MCCC2: variants seen among roughly 807,000 people sequenced by gnomAD.
MCCC2 encodes the protein methylcrotonyl-CoA carboxylase subunit 2.
In MCCC2, 52 loss-of-function variants were observed where a neutral mutation model predicts 77.2. The ratio of observed to expected loss-of-function variants is 0.67; its 90% CI spans 0.54 to 0.85. MCCC2 has a LOEUF of 0.85. MCCC2 is among the 40% of genes least tolerant of loss of function. The probability of loss-of-function intolerance (pLI) is 0.00; values close to 1 mark genes in which losing one functional copy is unlikely to be tolerated. For synonymous variants in MCCC2, 253 were observed against 248.4 expected (o/e 1.02, Z -0.18); for missense variants, 682 against 703.2 (o/e 0.97, Z 0.34).
chr5:71,592,791 A>G (rs1462505380), intron 1 of MCCC2, 135 bp from the exon 2 acceptor site: 5 of 716,990 alleles, frequency 7.0e-6, no homozygotes, highest in African/African-American at 1.8e-5. Context: ...GCTGCCACAG[A>G]TGGGGTGGCC....
chr5:71,636,212 T>A (rs1009328401), intron 10 of MCCC2: 1 of 291,554 alleles, frequency 3.4e-6, no homozygotes, highest in Non-Finnish European at 7.2e-6. Context: ...ATGGATATAA[T>A]GTTCTGTTGT....
At chr5:71,601,478 C>T (rs1745429124) in intron 4 of MCCC2, among the ~76,000 whole-genome samples, 1 of 152,188 alleles carries the variant, frequency 6.6e-6, no homozygotes, top group Admixed American at 6.5e-5. Context: ...GCATTCTACT[C>T]TATAAAATGT....
chr5:71,614,670 G>T (rs1746099423), intron 6 of MCCC2, among the ~76,000 whole-genome samples: 1 of 151,972 alleles, frequency 6.6e-6, no homozygotes, highest in African/African-American at 2.4e-5. Context: ...TTTTAGTAGA[G>T]ACGGGGTTTT....
rs972004528 is a variant in MCCC2, at chr5:71,611,251, A to G, written c.624+6783A>G. On this transcript the variant is annotated intron_variant, in intron 6 of 16. Transcript: ENST00000340941. ...CCCTGTCTCTACAAAAAAATAAAAA[A>G]TTAGCCGAGTGTGGTGTGGCACATG... Among the ~76,000 whole-genome samples, 53 of 152,204 alleles carry G rather than the reference A, an allele frequency of 3.5e-4. 1 individual carries two copies. The highest frequency in any genetic ancestry group is 1.2e-3 in the African/African-American group (50 of 41,528).
chr5:71,650,046 T>C, intron 14 of MCCC2, 23 bp from the exon 15 acceptor site: 1 of 1,581,974 alleles, frequency 6.3e-7, no homozygotes, highest in Non-Finnish European at 8.7e-7. Context: ...TTAATTTGTT[T>C]ATTCTTCCTT....
At position 71,657,175 on chromosome 5, in the gene MCCC2, A is replaced by G. The variant is rs1747604063; in HGVS notation, c.*315A>G. ...CTGTAAACTCAGTTCTGTAATCTGTATTATTGAGATGATTAATATAAAGTT... is the reference window on the plus strand; with the variant it reads ...CTGTAAACTCAGTTCTGTAATCTGTGTTATTGAGATGATTAATATAAAGTT... On this transcript the variant is annotated 3_prime_UTR_variant, in exon 17 of 17. Transcript: ENST00000340941. The G allele has an allele frequency of 3.3e-6, 1 of 306,114 alleles. No individual in the cohort carries two copies. Among genetic ancestry groups the G allele is most frequent in the Non-Finnish European group, 6.3e-6 (1 of 159,112 alleles). 19.0% of individuals were successfully genotyped at this position (306,114 alleles called of 1,614,324 possible). A position where few individuals can be genotyped will look rare whatever the true frequency, so the allele number is the denominator to read the frequency against.
chr5:71,619,729 G>A (rs1255029225), intron 6 of MCCC2, among the ~76,000 whole-genome samples: 1 of 151,960 alleles, frequency 6.6e-6, no homozygotes, highest in Non-Finnish European at 1.5e-5. Context: ...AAGCAGGCAC[G>A]GTGGCTCACA....
chr5:71,629,791 A>G (rs1382230946), intron 7 of MCCC2, among the ~76,000 whole-genome samples: 3 of 151,302 alleles, frequency 2.0e-5, no homozygotes, highest in Admixed American at 6.6e-5. Context: ...TATCTCTTGT[A>G]TGTGATAGCT....
At position 71,640,618 on chromosome 5, in the gene MCCC2, C is replaced by T. The variant is rs139744061; in HGVS notation, c.1000-385C>T. 3.9e-4 allele frequency among the ~76,000 whole-genome samples: 59 copies of T among 152,230 alleles called. 1 individual carries two copies. Among genetic ancestry groups the T allele is most frequent in the African/African-American group, 1.3e-3 (54 of 41,538 alleles). On this transcript the variant is annotated intron_variant, in intron 10 of 16. Transcript: ENST00000340941. ...CTTACTCCAGGGCATACCAGTCATA[C>T]TTGATACCTTAGATTGGAGCCTGTG...
chr5:71,609,825 C>T (rs1173759466), intron 6 of MCCC2, among the ~76,000 whole-genome samples: 7 of 152,044 alleles, frequency 4.6e-5, no homozygotes, highest in South Asian at 2.1e-4. Context: ...GAATACCCTG[C>T]CGTGTGAGAT....
intron 15 of MCCC2, among the ~76,000 whole-genome samples, chr5:71,651,515 C>T (rs934539478): frequency 3.9e-5 from 6 of 152,200 alleles, no homozygotes; most frequent in Non-Finnish European, 8.8e-5. Context: ...CTTAGGTACA[C>T]TGTTGTCTCA....
intron 5 of MCCC2, among the ~76,000 whole-genome samples, chr5:71,603,277 G>T (rs560694259): frequency 6.6e-6 from 1 of 151,930 alleles, no homozygotes; most frequent in Non-Finnish European, 1.5e-5. Context: ...TTAGCCGAGC[G>T]TGGTGGCAGG....
intron 11 of MCCC2, 61 bp downstream of exon 11, chr5:71,641,136 CTT>C: frequency 6.8e-7 from 1 of 1,476,640 alleles, no homozygotes. Flanking sequence ...TCAGGAATCT[CTT>C]GTTTCAAGAC....
intron 13 of MCCC2, among the ~76,000 whole-genome samples, chr5:71,647,882 G>C (rs183487291): frequency 1.7e-4 from 25 of 151,370 alleles, no homozygotes; most frequent in Admixed American, 1.0e-3. Flanking sequence ...AGAAAGCGAA[G>C]TGAGATGCCT....
At chr5:71,604,231 T>C (rs1745573260) in intron 5 of MCCC2, 125 bp from the exon 6 acceptor site, 4 of 809,708 alleles carry the variant, frequency 4.9e-6, no homozygotes, top group Non-Finnish European at 8.4e-6. Flanking sequence ...TATAACAGTT[T>C]AGAAAGACAG....
At chr5:71,650,984 T>C (rs1182399553) in intron 15 of MCCC2, among the ~76,000 whole-genome samples, 2 of 151,880 alleles carry the variant, frequency 1.3e-5, no homozygotes, top group Admixed American at 6.6e-5. Flanking sequence ...AGGGTTTCAC[T>C]ATGTTGGCCA....
At chr5:71,633,091 T>TTTTATATATATATA (rs1172020093) in intron 8 of MCCC2, among the ~76,000 whole-genome samples, 8 of 84,244 alleles carry the variant, frequency 9.5e-5, no homozygotes, top group African/African-American at 4.1e-4. Context: ...TTTTTCAGTT[T>TTTTATATATATATA]TATATATATA....
intron 1 of MCCC2, among the ~76,000 whole-genome samples, chr5:71,590,188 T>C (rs1245725196): frequency 6.6e-6 from 1 of 152,130 alleles, no homozygotes; most frequent in Non-Finnish European, 1.5e-5. Flanking sequence ...TATCAGTAAG[T>C]AGGGAAACTG....
chr5:71,594,392 G>A (rs1745095071), intron 2 of MCCC2, among the ~76,000 whole-genome samples: 1 of 152,128 alleles, frequency 6.6e-6, no homozygotes. Flanking sequence ...GCTGGGTGTG[G>A]TGGCGCATGC....
Sources: allele counts gnomAD v4.1 joint callset (sites outside exome capture counted in the v4.1 genomes callset), GRCh38; gene constraint gnomAD v4.1.1; transcripts MANE v1.5; gene names NCBI Gene and HGNC (gene_info 2026-07-23, HGNC 2026-07-21).